ROS1: variants seen among roughly 807,000 people sequenced by gnomAD.
The protein encoded by ROS1 is ROS proto-oncogene 1, receptor tyrosine kinase.
ROS1 carries 263 observed loss-of-function variants against 273.5 expected under a neutral mutation model. The observed-to-expected ratio is 0.96, with a 90% CI of 0.87 to 1.06. The LOEUF (loss-of-function observed/expected upper bound fraction) is 1.06. Among genes scored for constraint, ROS1 ranks in the 50% least tolerant of loss-of-function variants. The pLI, the probability that ROS1 is intolerant of heterozygous loss-of-function variation, is 0.00. For missense variants in ROS1, 2,833 were observed against 2,751.1 expected, an observed-to-expected ratio of 1.03 and a Z score of -0.67; for synonymous variants, 1,008 against 954.1, an observed-to-expected ratio of 1.06 and a Z score of -1.04.
Position 117,389,649 on chromosome 6 carries a change from G to A in ROS1, c.1487C>T (p.Ser496Phe), listed in dbSNP as rs2128704908. Residue 496 changes from serine (S) to phenylalanine (F), a missense_variant, in exon 13 of 44, where the codon TCC (serine) becomes TTC (phenylalanine). By Grantham distance (155) the Ser-to-Phe change is radical. Coordinates refer to ENST00000368507, the MANE Select transcript of ROS1 (RefSeq NM_001378902.1). ...GGGGATGCGAGGTAGGATGAGATGG[G>A]AAGCAGAGCCATCCAGAAATGTTGA... Reference protein sequence around the residue: ...FMSTFLDGSASHLILPRIPFA... With the variant: ...FMSTFLDGSAFHLILPRIPFA... 1 of 1,614,214 alleles carries A rather than the reference G, an allele frequency of 6.2e-7. No individual in the cohort carries two copies. Among genetic ancestry groups the A allele is most frequent in the Non-Finnish European group, 8.5e-7 (1 of 1,180,036 alleles).
At chr6:117,365,996 G>GAA in intron 19 of ROS1, 80 bp downstream of exon 19, 2 of 1,243,004 alleles carry the variant, frequency 1.6e-6, no homozygotes, top group Non-Finnish European at 2.3e-6. Context: ...TAATTCTTAA[G>GAA]AAAAAAAAAT....
intron 1 of ROS1, among the ~76,000 whole-genome samples, chr6:117,424,449 T>G (rs1055587279): frequency 2.0e-5 from 3 of 151,890 alleles, no homozygotes; most frequent in Non-Finnish European, 4.4e-5. Flanking sequence ...TATACTCTTA[T>G]TATAATTAGA....
Position 117,383,554 on chromosome 6 carries a change from T to C in ROS1, c.2290-46A>G, listed in dbSNP as rs76590288. The C allele has an allele frequency of 1.1e-3, 1,514 of 1,354,252 alleles. 19 individuals carry two copies. The African/African-American group carries it at 0.02, about 18-fold the overall frequency. 83.9% of individuals were successfully genotyped at this position (1,354,252 alleles called of 1,614,324 possible). ...GCCAGTTAATGGCTTTCAAGTGACA[T>C]TATTATTTCTGAATATTTATTGCAA... On this transcript the variant is annotated intron_variant, in intron 16 of 43. Coordinates refer to ENST00000368507, the MANE Select transcript of ROS1 (RefSeq NM_001378902.1).
intron 27 of ROS1, among the ~76,000 whole-genome samples, chr6:117,349,090 C>A (rs906592517): frequency 2.0e-5 from 3 of 151,762 alleles, no homozygotes; most frequent in Non-Finnish European, 2.9e-5. Context: ...CCATTACAGC[C>A]AATTAATTGA....
rs567218339 is a variant in ROS1 at position 117,380,747 on chromosome 6, T to G, written c.2482-1588A>C. ...AACAGTCAGAGGGTACTCCATACCT[T>G]TTATATAAACCTCTCTGATCTAAAC... On this transcript the variant is annotated intron_variant, in intron 17 of 43. Transcript: ENST00000368507. 2.2e-4 allele frequency among the ~76,000 whole-genome samples: 33 copies of G among 152,202 alleles called. 1 individual carries two copies. The highest frequency in any genetic ancestry group is 7.7e-4 in the African/African-American group (32 of 41,554).
chr6:117,385,792 T>C lies in ROS1; in HGVS notation c.2180A>G (p.Asn727Ser). ...TKGDVFVWLLNGTDISENYHL... is the reference protein window; with the variant it reads ...TKGDVFVWLLSGTDISENYHL... ...ATAATTCTCTGAGATATCCGTCCCATTCAGCAGCCACACAAAAACGTCGCC... is the reference window on the plus strand; with the variant it reads ...ATAATTCTCTGAGATATCCGTCCCACTCAGCAGCCACACAAAAACGTCGCC... The change falls in exon 16 of 44, where the codon AAT (asparagine) becomes AGT (serine). Residue 727 changes from asparagine to serine, a missense_variant. Transcript: ENST00000368507. 6.2e-7 allele frequency: 1 copy of C among 1,614,184 alleles called. No homozygotes were observed. Among genetic ancestry groups the C allele is most frequent in the Non-Finnish European group, 8.5e-7 (1 of 1,180,042 alleles).
In ROS1 at chr6:117,288,568, T is replaced by A. The variant is rs1477810013; in HGVS notation, c.6950A>T (p.Tyr2317Phe). 2 of 1,614,190 alleles carry A rather than the reference T, an allele frequency of 1.2e-6. No individual in the cohort carries two copies. Among genetic ancestry groups the A allele is most frequent in the Non-Finnish European group, 1.7e-6 (2 of 1,180,014 alleles). Reference protein sequence around the residue: ...KDFCQEKQVAYCPSGKPEGLN... With the variant: ...KDFCQEKQVAFCPSGKPEGLN... ...GCCTTCAGGCTTGCCAGAAGGGCAG[T>A]AAGCCACTTGTTTTTCTTGGCAGAA... is the stretch of plus-strand genomic sequence containing the variant. The change falls in exon 44 of 44, where the codon TAC (tyrosine) becomes TTC (phenylalanine). Residue 2317 changes from tyrosine (Y) to phenylalanine (F), a missense_variant. Tyr to Phe is a conservative substitution (Grantham distance 22, BLOSUM62 3). Coordinates refer to ENST00000368507, the MANE Select transcript of ROS1 (RefSeq NM_001378902.1).
Position 117,383,451 on chromosome 6 carries a change from A to G in ROS1, c.2347T>C (p.Leu783=). Residue 783 remains leucine, a synonymous_variant, in exon 17 of 44, where the codon TTG becomes CTG. Transcript: ENST00000368507. Reference sequence around the variant, plus strand: ...GAATCCACCACCATGTCATTCACCAATAGCTTCACGTGGGTAACAATGTCT... The same window carrying G: ...GAATCCACCACCATGTCATTCACCAGTAGCTTCACGTGGGTAACAATGTCT... ...HTDIVTHVKL[L]VNDMVVDSVG... 2 of 1,614,090 alleles carry G rather than the reference A, an allele frequency of 1.2e-6. No homozygotes were observed. The highest frequency in any genetic ancestry group is 1.3e-5 in the African/African-American group (1 of 75,046).
intron 39 of ROS1, among the ~76,000 whole-genome samples, chr6:117,313,919 G>A (rs555061931): frequency 5.7e-4 from 87 of 152,230 alleles, no homozygotes; most frequent in African/African-American, 1.9e-3. Context: ...TGGTTGCAGC[G>A]AAGGAGACGA....
intron 42 of ROS1, chr6:117,301,587 G>C (rs963965964): frequency 1.3e-5 from 2 of 153,916 alleles, no homozygotes; most frequent in African/African-American, 4.8e-5. Context: ...TGGTTGGAGA[G>C]GATGACCTTC....
chr6:117,311,161 C>T (rs2128550215), intron 39 of ROS1, 44 bp from the exon 40 acceptor site: 1 of 1,145,886 alleles, frequency 8.7e-7, no homozygotes, highest in Non-Finnish European at 1.3e-6. Context: ...ATCTAGTTTG[C>T]ATGAAATATA....
rs148310006 is a variant in ROS1 at position 117,341,527 on chromosome 6, C to T, written c.4757G>A (p.Arg1586His). ...HKPNGPKESV[R>H]YQLAISHLAL... ...CAGGTGTGAGATTGCCAACTGATAA[C>T]GGACTGATTCTTTAGGTCCATTTGG... The change falls in exon 30 of 44, where the codon CGT (arginine) becomes CAT (histidine). Residue 1586 changes from arginine to histidine, a missense_variant. Coordinates refer to ENST00000368507, the MANE Select transcript of ROS1 (RefSeq NM_001378902.1). 8.7e-6 allele frequency: 14 copies of T among 1,613,524 alleles called. No homozygotes were observed. Among genetic ancestry groups the T allele is most frequent in the Admixed American group, 3.3e-5 (2 of 59,962 alleles).
chr6:117,384,887 A>T (rs1337533371), intron 16 of ROS1, among the ~76,000 whole-genome samples: 2 of 152,168 alleles, frequency 1.3e-5, no homozygotes, highest in Admixed American at 6.5e-5. Flanking sequence ...CAGACCATAC[A>T]TCTTGATAGT....
chr6:117,375,709 C>T (rs989697371), intron 18 of ROS1, among the ~76,000 whole-genome samples: 4 of 151,928 alleles, frequency 2.6e-5, no homozygotes, highest in African/African-American at 9.7e-5. Flanking sequence ...TAATATCAGA[C>T]AAAGGAATCT....
intron 40 of ROS1, 120 bp downstream of exon 40, chr6:117,310,900 A>C: frequency 1.7e-6 from 1 of 587,014 alleles, no homozygotes; most frequent in Non-Finnish European, 2.9e-6. Flanking sequence ...GACTTTTAAT[A>C]GAAATTATTG....
chr6:117,350,924 T>C (rs1463264756), intron 27 of ROS1, among the ~76,000 whole-genome samples: 1 of 152,168 alleles, frequency 6.6e-6, no homozygotes, highest in Non-Finnish European at 1.5e-5. Flanking sequence ...GCCCCTAGCA[T>C]ATTAATCATA....
intron 39 of ROS1, among the ~76,000 whole-genome samples, chr6:117,311,832 G>A (rs1472324909): frequency 6.6e-6 from 1 of 152,070 alleles, no homozygotes. Flanking sequence ...ACCATACTGG[G>A]AAAATTCAAA....
intron 28 of ROS1, 75 bp from the exon 29 acceptor site, chr6:117,342,619 A>C: frequency 9.9e-7 from 1 of 1,007,436 alleles, no homozygotes; most frequent in Non-Finnish European, 1.4e-6. Context: ...ATTTAATCAA[A>C]GAGAGAACAA....
chr6:117,310,933 TTTAA>T (rs1407975456), intron 40 of ROS1, 83 bp downstream of exon 40: 1 of 754,898 alleles, frequency 1.3e-6, no homozygotes, highest in Non-Finnish European at 2.2e-6. Context: ...AATTAAAATG[TTTAA>T]TTATCTTGTG....
Sources: gnomAD v4.1 joint callset for allele counts (sites outside exome capture counted in the v4.1 genomes callset) on GRCh38, gnomAD v4.1.1 for gene constraint, MANE v1.5 for transcripts, NCBI Gene and HGNC (gene_info 2026-07-23, HGNC 2026-07-21) for gene names.